Variants in CES5A observed in about 807,000 individuals in gnomAD.
The protein encoded by CES5A is carboxylesterase 5.
In CES5A, 67 loss-of-function variants were observed where a neutral mutation model predicts 62.9. The ratio of observed to expected loss-of-function variants is 1.07; its 90% CI spans 0.88 to 1.31. The LOEUF (loss-of-function observed/expected upper bound fraction) is 1.31, where lower values mean the gene tolerates loss of function less well. Ranked by LOEUF, CES5A falls within the 50% of genes most tolerant of loss-of-function variation. CES5A has a pLI of 0.00. For missense variants in CES5A, 748 were observed against 708.5 expected (o/e 1.06, Z -0.63); for synonymous variants, 296 against 280.8 (o/e 1.05, Z -0.54).
intron 9 of CES5A, among the ~76,000 whole-genome samples, chr16:55,853,853 G>C (rs542576782): frequency 2.0e-4 from 30 of 152,304 alleles, no homozygotes; most frequent in African/African-American, 7.0e-4. Flanking sequence ...TGCTGGAAAG[G>C]TGTTGCAGCT....
chr16:55,859,213 G>A (rs2033304179), intron 8 of CES5A, among the ~76,000 whole-genome samples: 1 of 152,234 alleles, frequency 6.6e-6, no homozygotes, highest in Non-Finnish European at 1.5e-5. Flanking sequence ...CTATCTGAAT[G>A]TCAGCTCTGA....
intron 2 of CES5A, among the ~76,000 whole-genome samples, chr16:55,934,657 G>A (rs375299597): frequency 7.4e-6 from 1 of 135,532 alleles, no homozygotes; most frequent in Non-Finnish European, 1.6e-5. Context: ...AATTGTGTGG[G>A]GTGTGTGTGT....
chr16:55,866,455 G>C (rs7187404), intron 4 of CES5A, among the ~76,000 whole-genome samples: 7 of 151,682 alleles, frequency 4.6e-5, no homozygotes, highest in Admixed American at 4.6e-4. Flanking sequence ...TTCCTGAGAG[G>C]TGATCTGTAC....
chr16:55,902,240 G>T (rs1424661840), intron 1 of CES5A, among the ~76,000 whole-genome samples: 1 of 152,190 alleles, frequency 6.6e-6, no homozygotes, highest in Admixed American at 6.5e-5. Context: ...CATTTGAGGA[G>T]GCTGTGATCC....
At chr16:55,935,790 T>G (rs1321963615) in intron 2 of CES5A, among the ~76,000 whole-genome samples, 1 of 144,772 alleles carries the variant, frequency 6.9e-6, no homozygotes, top group African/African-American at 2.7e-5. Context: ...CACTAATGCT[T>G]TTTTTTTTTG....
chr16:55,909,465 A>C (rs1465568896), intron 1 of CES5A, among the ~76,000 whole-genome samples: 2 of 152,236 alleles, frequency 1.3e-5, no homozygotes, highest in Non-Finnish European at 2.9e-5. Flanking sequence ...TGTGTTCTAC[A>C]TTGGGGTAGA....
rs528772046 is a variant in CES5A at position 55,915,573 on chromosome 16, G to A, written c.-256+9750C>T. On this transcript the variant is annotated intron_variant, in intron 1 of 12. Coordinates refer to the CES5A transcript ENST00000518005. ...GTGGGGTTGGAGGGGAGGGCAGGAA[G>A]AGGCCTGGAATATCTGATCATTGTG... Among the ~76,000 whole-genome samples, 100 of 152,228 alleles carry A rather than the reference G, an allele frequency of 6.6e-4. 2 individuals carry two copies. The South Asian group carries it at 0.02, about 31-fold the overall frequency.
upstream of CES5A, among the ~76,000 whole-genome samples, chr16:55,876,049 A>G (rs2033689016): frequency 6.6e-6 from 1 of 152,108 alleles, no homozygotes; most frequent in Non-Finnish European, 1.5e-5. Context: ...TGAACTTTTT[A>G]GTGCTTTGCT....
rs12918787 is a variant in CES5A, at chr16:55,897,063, C to A, written c.-255-23026G>T. 3.3e-5 allele frequency among the ~76,000 whole-genome samples: 5 copies of A among 151,754 alleles called. No homozygotes were observed. The South Asian group carries it at 8.3e-4, about 25-fold the overall frequency. On this transcript the variant is annotated intron_variant, in intron 1 of 12. Transcript: ENST00000518005. The stretch of plus-strand genomic sequence containing the variant: ...ACCCTCATTCCCCCATCCCCGCATC[C>A]CCCCCATCCTCTACCTCAGGGCCTT...
At chr16:55,938,139 T>G (rs948877100) in intron 2 of CES5A, among the ~76,000 whole-genome samples, 45 of 152,188 alleles carry the variant, frequency 3.0e-4, no homozygotes, top group African/African-American at 9.6e-4. Context: ...AAAGAAGGGA[T>G]GAACCATCTT....
intron 1 of CES5A, among the ~76,000 whole-genome samples, chr16:55,896,902 T>C (rs1260397006): frequency 7.9e-5 from 12 of 152,208 alleles, no homozygotes; most frequent in Non-Finnish European, 4.4e-5. Context: ...AAAGTAAAAC[T>C]TTATAAGGAA....
intron 1 of CES5A, among the ~76,000 whole-genome samples, chr16:55,883,007 C>T (rs1003710446): frequency 1.3e-5 from 2 of 152,132 alleles, no homozygotes; most frequent in South Asian, 2.1e-4. Context: ...CATGTAGATG[C>T]GAATTGTTCT....
rs750790516 is a variant in CES5A, at chr16:55,949,726, C to G, written c.160+59G>C. ...AATGGAACCATGGACTGTGAGTCAG[C>G]TGTTGGCCAGACTCAAGGGGCAGAC... On this transcript the variant is annotated intron_variant, in intron 2 of 13. Coordinates refer to the CES5A transcript ENST00000521992. The G allele has an allele frequency of 1.1e-5, 7 of 612,058 alleles. No homozygotes were observed. The African/African-American group carries it at 1.3e-4, about 12-fold the overall frequency. 37.9% of individuals were successfully genotyped at this position (612,058 alleles called of 1,614,324 possible). A position where few individuals can be genotyped will look rare whatever the true frequency, so the allele number is the denominator to read the frequency against.
In CES5A at chr16:55,946,077, A is replaced by G. The variant is rs932104739; in HGVS notation, c.160+3708T>C. Among the ~76,000 whole-genome samples, 11 of 152,336 alleles carry G rather than the reference A, an allele frequency of 7.2e-5. No individual in the cohort carries two copies. The South Asian group carries it at 2.3e-3, about 32-fold the overall frequency. On this transcript the variant is annotated intron_variant, in intron 2 of 13. Coordinates refer to the CES5A transcript ENST00000521992. ...GTAGCATTCGGAATTCACTTAAGCA[A>G]TAGAAACATGATTGCAGTAAAGTCC...
At chr16:55,871,364 T>G (rs28612141) in intron 3 of CES5A, among the ~76,000 whole-genome samples, 1 of 152,382 alleles carries the variant, frequency 6.6e-6, no homozygotes, top group East Asian at 1.9e-4. Context: ...CTGAAAGCTT[T>G]CAGGTCACTA....
chr16:55,891,149 TA>T (rs2033872555), intron 1 of CES5A, among the ~76,000 whole-genome samples: 1 of 152,134 alleles, frequency 6.6e-6, no homozygotes, highest in Non-Finnish European at 1.5e-5. Context: ...TCACTCTCTT[TA>T]AATTAGCCAA....
intron 4 of CES5A, among the ~76,000 whole-genome samples, chr16:55,868,265 A>AG (rs1231903091): frequency 6.6e-6 from 1 of 152,226 alleles, no homozygotes; most frequent in African/African-American, 2.4e-5. Flanking sequence ...TACTCTGGTC[A>AG]GGGCACCCCG....
intron 1 of CES5A, among the ~76,000 whole-genome samples, chr16:55,891,738 C>T (rs969221499): frequency 3.3e-5 from 5 of 152,148 alleles, no homozygotes; most frequent in African/African-American, 1.2e-4. Flanking sequence ...TTCTCTTTAG[C>T]TTAGTGGTTT....
intron 7 of CES5A, 114 bp downstream of exon 7, chr16:55,861,298 C>A: frequency 1.5e-6 from 1 of 656,240 alleles, no homozygotes; most frequent in South Asian, 1.8e-5. Flanking sequence ...CCAAGTACCT[C>A]AATCCTCCTC....
Sources: gnomAD v4.1 joint callset for allele counts (sites outside exome capture counted in the v4.1 genomes callset) on GRCh38, gnomAD v4.1.1 for gene constraint, MANE v1.5 for transcripts, NCBI Gene and HGNC (gene_info 2026-07-23, HGNC 2026-07-21) for gene names.